EPHA6: variants seen among roughly 807,000 people sequenced by gnomAD.
The protein encoded by EPHA6 is EPH receptor A6, also known as ephrin type-A receptor 6.
EPHA6 carries 50 observed loss-of-function variants against 112.0 expected under a neutral mutation model. The ratio of observed to expected loss-of-function variants is 0.45; its 90% confidence interval spans 0.36 to 0.56. The LOEUF (loss-of-function observed/expected upper bound fraction) is 0.56, where lower values mean the gene tolerates loss of function less well. Among genes scored for constraint, EPHA6 ranks in the 20% least tolerant of loss-of-function variants. The pLI is 0.00. For missense variants in EPHA6, 1,280 were observed against 1,417.4 expected (o/e 0.90, Z 1.56); for synonymous variants, 529 against 490.7 (o/e 1.08, Z -1.03).
At chr3:96,951,525 T>G (rs2041533686) in intron 2 of EPHA6, among the ~76,000 whole-genome samples, 1 of 152,136 alleles carries the variant, frequency 6.6e-6, no homozygotes, top group Non-Finnish European at 1.5e-5. Flanking sequence ...TAAATCATCA[T>G]CATCATCATA....
intron 5 of EPHA6, among the ~76,000 whole-genome samples, chr3:97,327,866 T>C (rs2082520180): frequency 6.8e-6 from 1 of 146,488 alleles, no homozygotes; most frequent in African/African-American, 2.6e-5. Context: ...TATGTGTGTA[T>C]ATATATATGT....
chr3:97,480,314 G>T (rs562260852), intron 9 of EPHA6, among the ~76,000 whole-genome samples: 1 of 151,954 alleles, frequency 6.6e-6, no homozygotes, highest in African/African-American at 2.4e-5. Context: ...CAATAGTGGA[G>T]GGAAGGTCAG....
At chr3:97,391,274 T>A (rs1180127531) in intron 5 of EPHA6, among the ~76,000 whole-genome samples, 1 of 152,024 alleles carries the variant, frequency 6.6e-6, no homozygotes, top group Non-Finnish European at 1.5e-5. Context: ...TGGAAAGACC[T>A]TAAACAAGTT....
At chr3:97,104,392 A>T (rs1237654179) in intron 3 of EPHA6, among the ~76,000 whole-genome samples, 1 of 152,106 alleles carries the variant, frequency 6.6e-6, no homozygotes, top group Non-Finnish European at 1.5e-5. Flanking sequence ...TTCTGCATCT[A>T]TTGAGATAAT....
At chr3:97,129,688 G>C (rs898002004) in intron 3 of EPHA6, among the ~76,000 whole-genome samples, 2 of 152,268 alleles carry the variant, frequency 1.3e-5, no homozygotes, top group African/African-American at 4.8e-5. Context: ...AGTAGAGAGA[G>C]ACTGGGCTCA....
At chr3:97,646,329 C>T (rs1459242331) in intron 14 of EPHA6, 4 of 1,476,224 alleles carry the variant, frequency 2.7e-6, no homozygotes, top group East Asian at 2.5e-5. Context: ...TTCAGAGCCC[C>T]GTTTAAAAAT....
chr3:97,405,403 T>C, intron 6 of EPHA6, 129 bp downstream of exon 6: 3 of 706,066 alleles, frequency 4.2e-6, no homozygotes, highest in South Asian at 5.0e-5. Context: ...TCATACCTTC[T>C]GTTTCTTTGA....
intron 2 of EPHA6, among the ~76,000 whole-genome samples, chr3:96,939,231 G>C (rs936428329): frequency 2.0e-5 from 3 of 152,112 alleles, no homozygotes; most frequent in African/African-American, 7.2e-5. Flanking sequence ...GAATCCATCT[G>C]GTCCTGGAAT....
At chr3:97,002,634 G>T (rs1448568228) in intron 3 of EPHA6, among the ~76,000 whole-genome samples, 1 of 151,660 alleles carries the variant, frequency 6.6e-6, no homozygotes, top group South Asian at 2.1e-4. Context: ...TGAATGCTAT[G>T]AAGTATAAAT....
intron 6 of EPHA6, among the ~76,000 whole-genome samples, chr3:97,423,538 G>T (rs1172799843): frequency 6.6e-6 from 1 of 152,086 alleles, no homozygotes. Context: ...TCATGTACAG[G>T]ATAGAAAGAA....
Position 97,547,650 on chromosome 3 carries a change from G to GC in EPHA6, c.2386+15112dup, listed in dbSNP as rs543968566. 1.7e-3 allele frequency among the ~76,000 whole-genome samples: 258 copies of GC among 152,324 alleles called. 1 individual carries two copies. Among genetic ancestry groups the GC allele is most frequent in the African/African-American group, 5.9e-3 (246 of 41,580 alleles). On this transcript the variant is annotated intron_variant, in intron 11 of 17. Coordinates refer to ENST00000389672, the MANE Select transcript of EPHA6 (RefSeq NM_001080448.3). ...ACTGCTGTCTTTTTGTCTGTGCCCT[G>GC]CCCCCAGAGGTGGAGCCTACAGAGG...
intron 2 of EPHA6, among the ~76,000 whole-genome samples, chr3:96,956,194 A>C (rs2041751201): frequency 6.6e-6 from 1 of 152,170 alleles, no homozygotes; most frequent in Admixed American, 6.5e-5. Context: ...AAAAAGTAAC[A>C]ATCCATACAC....
chr3:97,453,063 T>A (rs1379986592), intron 7 of EPHA6, among the ~76,000 whole-genome samples: 1 of 151,814 alleles, frequency 6.6e-6, no homozygotes, highest in Non-Finnish European at 1.5e-5. Context: ...TTTTTGTTTT[T>A]ATTTAAAGCA....
At chr3:97,031,916 A>G (rs932912091) in intron 3 of EPHA6, among the ~76,000 whole-genome samples, 14 of 152,192 alleles carry the variant, frequency 9.2e-5, no homozygotes, top group Admixed American at 7.9e-4. Flanking sequence ...AGAACTAGAA[A>G]TACCATTTGA....
chr3:97,079,446 A>G (rs1470613188), intron 3 of EPHA6, among the ~76,000 whole-genome samples: 1 of 152,032 alleles, frequency 6.6e-6, no homozygotes, highest in Non-Finnish European at 1.5e-5. Flanking sequence ...TGGGCCTATC[A>G]GAGGGTGGAA....
chr3:97,217,649 A>G (rs974790090), intron 3 of EPHA6, among the ~76,000 whole-genome samples: 2 of 152,314 alleles, frequency 1.3e-5, no homozygotes, highest in Admixed American at 1.3e-4. Context: ...AAGTTTTCAC[A>G]GTTGTGTAGA....
At position 97,244,578 on chromosome 3, in the gene EPHA6, T is replaced by C. The variant is rs561995121; in HGVS notation, c.1606+291T>C. The stretch of plus-strand genomic sequence containing the variant: ...ATCTTAATGAGTAAGTCCATATTAC[T>C]TACCAATAGAAGTCAGAAATCAATA... On this transcript the variant is annotated intron_variant, in intron 5 of 17. Transcript: ENST00000389672. 7 of 389,268 alleles carry C rather than the reference T, an allele frequency of 1.8e-5. No individual in the cohort carries two copies. The East Asian group carries it at 2.2e-4, about 12-fold the overall frequency. 24.1% of individuals were successfully genotyped at this position (389,268 alleles called of 1,614,324 possible).
At chr3:96,820,702 A>G (rs924765883) in intron 1 of EPHA6, among the ~76,000 whole-genome samples, 4 of 152,088 alleles carry the variant, frequency 2.6e-5, no homozygotes, top group Admixed American at 2.0e-4. Flanking sequence ...TTTTAATAGA[A>G]CAGTTTTGTT....
chr3:97,664,543 A>G (rs2094192584), intron 14 of EPHA6, among the ~76,000 whole-genome samples: 3 of 152,168 alleles, frequency 2.0e-5, no homozygotes, highest in Non-Finnish European at 2.9e-5. Context: ...CCCTGTTTGC[A>G]GATGACATGA....
Sources: gnomAD v4.1 joint callset for allele counts (sites outside exome capture counted in the v4.1 genomes callset) on GRCh38, gnomAD v4.1.1 for gene constraint, MANE v1.5 for transcripts, NCBI Gene and HGNC (gene_info 2026-07-23, HGNC 2026-07-21) for gene names.